DLGAP2: variants seen among roughly 807,000 people sequenced by gnomAD.
The protein encoded by DLGAP2 is DLG associated protein 2.
Under a neutral mutation model 100.3 loss-of-function variants are expected in DLGAP2, and 26 were observed. The ratio of observed to expected loss-of-function variants is 0.26; its 90% CI spans 0.19 to 0.36. The LOEUF (loss-of-function observed/expected upper bound fraction) is 0.36. DLGAP2 is among the 10% of genes least tolerant of loss of function. The probability of loss-of-function intolerance (pLI) is 1.00; values close to 1 mark genes in which losing one functional copy is unlikely to be tolerated. For synonymous variants in DLGAP2, 886 were observed against 630.1 expected, an observed-to-expected ratio of 1.41 and a Z score of -6.08; for missense variants, 1,858 against 1,453.2, an observed-to-expected ratio of 1.28 and a Z score of -4.53.
intron 2 of DLGAP2, among the ~76,000 whole-genome samples, chr8:1,077,974 G>A (rs1189561768): frequency 2.0e-5 from 3 of 152,150 alleles, no homozygotes; most frequent in Admixed American, 1.3e-4. Flanking sequence ...TGTCATCCAC[G>A]CCATGTCCTC....
At chr8:916,369 C>G (rs1798593373) in intron 2 of DLGAP2, among the ~76,000 whole-genome samples, 1 of 152,198 alleles carries the variant, frequency 6.6e-6, no homozygotes, top group Non-Finnish European at 1.5e-5. Context: ...GAGTTCTTGT[C>G]CTTTTTAGGG....
intron 1 of DLGAP2, among the ~76,000 whole-genome samples, chr8:874,952 T>A (rs1222408298): frequency 6.6e-6 from 1 of 152,212 alleles, no homozygotes; most frequent in Non-Finnish European, 1.5e-5. Context: ...ACATATATAT[T>A]TATAATTGTT....
At chr8:1,198,407 T>C (rs1157480360) in intron 2 of DLGAP2, among the ~76,000 whole-genome samples, 1 of 152,022 alleles carries the variant, frequency 6.6e-6, no homozygotes, top group African/African-American at 2.4e-5. Context: ...GCCTGGACCT[T>C]GTGTCCTGGG....
intron 8 of DLGAP2, among the ~76,000 whole-genome samples, chr8:1,654,464 C>G (rs1188856123): frequency 1.3e-5 from 2 of 152,040 alleles, no homozygotes; most frequent in East Asian, 3.9e-4. Context: ...GAGTTCGAGA[C>G]CACCCTGGCC....
intron 14 of DLGAP2, among the ~76,000 whole-genome samples, chr8:1,700,426 G>A (rs1169414385): frequency 6.6e-6 from 1 of 151,424 alleles, no homozygotes; most frequent in Non-Finnish European, 1.5e-5. Flanking sequence ...GAATCACGGG[G>A]CAGGTCCCAC....
At chr8:1,546,957 C>T (rs946136508) in intron 4 of DLGAP2, among the ~76,000 whole-genome samples, 14 of 152,146 alleles carry the variant, frequency 9.2e-5, no homozygotes, top group African/African-American at 1.9e-4. Context: ...GCTCAGCCGT[C>T]GAGGTGGCCA....
chr8:1,416,969 C>G (rs1269204386), intron 3 of DLGAP2, among the ~76,000 whole-genome samples: 5 of 152,138 alleles, frequency 3.3e-5, no homozygotes, highest in African/African-American at 1.2e-4. Context: ...CTCAGTGCGG[C>G]TGTGGCATTG....
chr8:1,441,455 C>T (rs781346553), intron 3 of DLGAP2, among the ~76,000 whole-genome samples: 1 of 152,012 alleles, frequency 6.6e-6, no homozygotes, highest in East Asian at 1.9e-4. Flanking sequence ...TTTGGGAGGC[C>T]GAGGTGGGCA....
chr8:782,831 C>T lies in DLGAP2; in HGVS notation c.18+45006C>T, dbSNP rs569616630. Among the ~76,000 whole-genome samples, 4 of 152,322 alleles carry T rather than the reference C, an allele frequency of 2.6e-5. No individual in the cohort carries two copies. In the East Asian group the frequency reaches 7.7e-4, roughly 29 times the overall value. ...TACCACTCACTGAGACCTCGTCTCCCTGTTGGCCCTCTTCCGCGTCTGCTG... is the reference window on the plus strand; with the variant it reads ...TACCACTCACTGAGACCTCGTCTCCTTGTTGGCCCTCTTCCGCGTCTGCTG... On this transcript the variant is annotated intron_variant, in intron 1 of 14. Transcript: ENST00000637795.
At chr8:1,201,548 A>C (rs1797874440) in intron 2 of DLGAP2, among the ~76,000 whole-genome samples, 1 of 152,192 alleles carries the variant, frequency 6.6e-6, no homozygotes, top group East Asian at 1.9e-4. Flanking sequence ...GCATCTCCGG[A>C]CGGATATAGA....
intron 13 of DLGAP2, among the ~76,000 whole-genome samples, chr8:1,693,292 A>G (rs1284152467): frequency 2.0e-5 from 3 of 149,534 alleles, no homozygotes; most frequent in Non-Finnish European, 4.4e-5. Context: ...GCCTACACAC[A>G]TGCATACATA....
intron 3 of DLGAP2, among the ~76,000 whole-genome samples, chr8:1,287,707 G>A (rs1469409334): frequency 3.5e-5 from 1 of 28,902 alleles, no homozygotes; most frequent in Non-Finnish European, 6.1e-5. Context: ...GTGTGTGTGT[G>A]TGTGTGTGTG....
At chr8:1,083,426 AC>A (rs1194410132) in intron 2 of DLGAP2, among the ~76,000 whole-genome samples, 1 of 152,162 alleles carries the variant, frequency 6.6e-6, no homozygotes, top group African/African-American at 2.4e-5. Flanking sequence ...ACCAGATCTT[AC>A]GGGGGGTTTG....
At chr8:1,350,261 T>A (rs1165039369) in intron 3 of DLGAP2, among the ~76,000 whole-genome samples, 6 of 74,142 alleles carry the variant, frequency 8.1e-5, no homozygotes, top group Non-Finnish European at 1.4e-4. Flanking sequence ...GTCCTGAGCA[T>A]GTGTGGAACG....
At chr8:1,535,963 G>A (rs917767451) in intron 4 of DLGAP2, among the ~76,000 whole-genome samples, 6 of 152,322 alleles carry the variant, frequency 3.9e-5, no homozygotes, top group South Asian at 4.1e-4. Flanking sequence ...TGGCAGACAC[G>A]TTGCCATCCT....
intron 3 of DLGAP2, among the ~76,000 whole-genome samples, chr8:1,332,645 G>A (rs533932069): frequency 2.0e-5 from 3 of 152,282 alleles, no homozygotes; most frequent in East Asian, 1.9e-4. Context: ...CTAAGTGACT[G>A]GCTGGCCTTT....
At chr8:1,292,609 G>A (rs1800083929) in intron 3 of DLGAP2, among the ~76,000 whole-genome samples, 2 of 152,270 alleles carry the variant, frequency 1.3e-5, no homozygotes, top group Non-Finnish European at 1.5e-5. Context: ...TTTGAAAGTA[G>A]GTTGAGCAAA....
chr8:1,289,682 C>T (rs1255777345), intron 3 of DLGAP2, among the ~76,000 whole-genome samples: 1 of 152,162 alleles, frequency 6.6e-6, no homozygotes, highest in African/African-American at 2.4e-5. Context: ...CTCCACTGTG[C>T]AGTGTTCTCA....
chr8:1,491,407 C>T (rs1449351698), intron 3 of DLGAP2, among the ~76,000 whole-genome samples: 1 of 152,252 alleles, frequency 6.6e-6, no homozygotes, highest in African/African-American at 2.4e-5. Context: ...TCGGAGGCTT[C>T]CGGCTGCTCC....
Sources: gnomAD v4.1 joint callset for allele counts (sites outside exome capture counted in the v4.1 genomes callset) on GRCh38, gnomAD v4.1.1 for gene constraint, MANE v1.5 for transcripts, NCBI Gene and HGNC (gene_info 2026-07-23, HGNC 2026-07-21) for gene names.